The following MAST4 variants were observed in gnomAD, a reference collection of about 807,000 sequenced individuals.
MAST4 encodes the protein microtubule-associated serine/threonine-protein kinase 4.
MAST4 carries 89 observed loss-of-function variants against 162.7 expected under a neutral mutation model. The observed-to-expected ratio is 0.55, with a 90% CI of 0.46 to 0.65. The LOEUF (loss-of-function observed/expected upper bound fraction) is 0.65. Among genes scored for constraint, MAST4 ranks in the 30% least tolerant of loss-of-function variants. MAST4 has a pLI of 0.00. For missense variants in MAST4, 3,153 were observed against 3,374.0 expected, an observed-to-expected ratio of 0.93 and a Z score of 1.62; for synonymous variants, 1,479 against 1,361.1, an observed-to-expected ratio of 1.09 and a Z score of -1.91.
intron 20 of MAST4, 56 bp from the exon 21 acceptor site, chr5:67,142,365 T>C: frequency 6.6e-7 from 1 of 1,509,668 alleles, no homozygotes; most frequent in Non-Finnish European, 9.0e-7. Flanking sequence ...ATAATTAAAA[T>C]ATCTAAATGT....
chr5:66,749,484 A>G (rs1446170939), intron 1 of MAST4, among the ~76,000 whole-genome samples: 1 of 152,244 alleles, frequency 6.6e-6, no homozygotes, highest in Non-Finnish European at 1.5e-5. Context: ...GAGCCATAAA[A>G]ACAAAACACA....
At chr5:66,887,601 G>A (rs1324523559) in intron 3 of MAST4, among the ~76,000 whole-genome samples, 1 of 152,184 alleles carries the variant, frequency 6.6e-6, no homozygotes, top group African/African-American at 2.4e-5. Flanking sequence ...TTTTTAATAT[G>A]AGGACCCTGA....
At chr5:67,149,086 A>G (rs1426432996) in intron 23 of MAST4, among the ~76,000 whole-genome samples, 2 of 152,186 alleles carry the variant, frequency 1.3e-5, no homozygotes, top group Non-Finnish European at 1.5e-5. Context: ...GGTTTCAAAA[A>G]TATAGATTGT....
chr5:67,076,359 T>G (rs1180805419), intron 5 of MAST4, among the ~76,000 whole-genome samples: 1 of 152,208 alleles, frequency 6.6e-6, no homozygotes, highest in Admixed American at 6.5e-5. Context: ...AGCTTTCTCT[T>G]GGGTCTGAAC....
intron 1 of MAST4, among the ~76,000 whole-genome samples, chr5:66,711,841 C>T (rs1750516482): frequency 6.6e-6 from 1 of 151,980 alleles, no homozygotes; most frequent in African/African-American, 2.4e-5. Context: ...CCCCCCACCC[C>T]CCAAAAAAAG....
At chr5:66,675,985 C>T (rs564960413) in intron 1 of MAST4, among the ~76,000 whole-genome samples, 104 of 152,254 alleles carry the variant, frequency 6.8e-4, no homozygotes, top group Middle Eastern at 6.8e-3. Context: ...GTGGGAATCA[C>T]GTGTGTCCAT....
chr5:67,142,601 C>G (rs1486837275), intron 21 of MAST4, 68 bp downstream of exon 21: 1 of 1,048,982 alleles, frequency 9.5e-7, no homozygotes, highest in Non-Finnish European at 1.4e-6. Context: ...AGATAGTATC[C>G]CCGAACAGCT....
chr5:66,804,218 G>T (rs1325364950), intron 3 of MAST4, among the ~76,000 whole-genome samples: 1 of 152,116 alleles, frequency 6.6e-6, no homozygotes, highest in African/African-American at 2.4e-5. Flanking sequence ...TAATATCAAG[G>T]TTATGGTAGC....
At chr5:67,067,066 T>C (rs1232280411) in intron 5 of MAST4, among the ~76,000 whole-genome samples, 1 of 152,198 alleles carries the variant, frequency 6.6e-6, no homozygotes, top group Non-Finnish European at 1.5e-5. Flanking sequence ...GAAGGAACTA[T>C]TGCAGGAGGC....
intron 14 of MAST4, among the ~76,000 whole-genome samples, chr5:67,121,719 A>G (rs1335051707): frequency 6.6e-6 from 1 of 151,778 alleles, no homozygotes; most frequent in African/African-American, 2.4e-5. Context: ...ATTTTCAGCA[A>G]GTTTACAAAT....
intron 14 of MAST4, among the ~76,000 whole-genome samples, chr5:67,126,745 A>G (rs1472927932): frequency 3.3e-5 from 5 of 152,158 alleles, no homozygotes; most frequent in Non-Finnish European, 5.9e-5. Flanking sequence ...TTGGTTCCCT[A>G]TGAAATTTAA....
At chr5:66,804,537 T>A (rs894413608) in intron 3 of MAST4, among the ~76,000 whole-genome samples, 11 of 152,308 alleles carry the variant, frequency 7.2e-5, no homozygotes, top group African/African-American at 2.6e-4. Context: ...AGGACTAGAC[T>A]TGGAACTGCC....
intron 1 of MAST4, among the ~76,000 whole-genome samples, chr5:66,690,439 G>T (rs1035587992): frequency 6.6e-6 from 1 of 152,144 alleles, no homozygotes; most frequent in Non-Finnish European, 1.5e-5. Flanking sequence ...ATTAGAAAGG[G>T]CTTGCTGTAT....
chr5:67,140,569 G>A (rs1033662477), intron 19 of MAST4, among the ~76,000 whole-genome samples: 5 of 152,218 alleles, frequency 3.3e-5, no homozygotes, highest in Non-Finnish European at 7.3e-5. Context: ...CTTATATGTG[G>A]CACTGAGGTT....
At chr5:67,075,469 C>T (rs553875045) in intron 5 of MAST4, among the ~76,000 whole-genome samples, 31 of 50,636 alleles carry the variant, frequency 6.1e-4, no homozygotes, top group African/African-American at 2.3e-3. Flanking sequence ...AGCCACCACA[C>T]CTGGCTTTGG....
At chr5:66,973,595 T>C (rs78843607) in intron 4 of MAST4, among the ~76,000 whole-genome samples, 8,217 of 152,290 alleles carry the variant, frequency 0.054, 324 homozygotes, top group Middle Eastern at 0.11. Context: ...CTTTACCTTA[T>C]TAAGTAATCT....
intron 8 of MAST4, 58 bp downstream of exon 8, chr5:67,100,650 T>C: frequency 2.5e-6 from 4 of 1,603,982 alleles, no homozygotes; most frequent in Non-Finnish European, 3.4e-6. Context: ...TCAAACATTT[T>C]GAGTGAACAC....
rs747438348 is a variant in MAST4 at position 67,152,885 on chromosome 5, G to A, written c.3525+19G>A. The stretch of plus-strand genomic sequence containing the variant: ...CGTCTGGGTAAGACCTGCATGTCTC[G>A]CACTTGGGATTTTTCATTTCCAGCC... On this transcript the variant is annotated intron_variant, in intron 25 of 28. Coordinates refer to ENST00000403625, the MANE Select transcript of MAST4 (RefSeq NM_001164664.2). 1.1e-5 allele frequency: 18 copies of A among 1,587,328 alleles called. No homozygotes were observed. Among genetic ancestry groups the A allele is most frequent in the East Asian group, 4.5e-5 (2 of 44,376 alleles).
Position 67,164,907 on chromosome 5 carries a change from C to G in MAST4, c.5728C>G (p.Pro1910Ala), listed in dbSNP as rs1773686032. ...AGGTCCCCATCCTACTGCCAGGAGC[C>G]CTGGAACAGTCATGGAAAGCAATCC... ...RKGPHPTARS[P>A]GTVMESNPQQ... is the part of the protein sequence containing the mutation. Residue 1910 changes from proline to alanine, a missense_variant, in exon 29 of 29, where the codon CCT becomes GCT. By Grantham distance (27) the Pro-to-Ala change is conservative. This residue lies in a region of MAST4 where 1,644 missense variants were observed against 1,495.0 expected (regional missense o/e 1.10). Transcript: ENST00000403625. This position sits in a 1 kb window ranked among gnomAD's most constrained non-coding sequence, Gnocchi z 5.3. The G allele has an allele frequency of 6.2e-7, 1 of 1,614,006 alleles. No homozygotes were observed. Among genetic ancestry groups the G allele is most frequent in the East Asian group, 2.2e-5 (1 of 44,872 alleles).
Sources: gnomAD v4.1 joint callset for allele counts (sites outside exome capture counted in the v4.1 genomes callset) on GRCh38, gnomAD v4.1.1 for gene constraint, gnomAD v4.1.1 regional missense constraint, Gnocchi (gnomAD v3.1) non-coding constraint, MANE v1.5 for transcripts, NCBI Gene and HGNC (gene_info 2026-07-23, HGNC 2026-07-21) for gene names.